The following KALRN variants were observed in gnomAD, a reference collection of about 807,000 sequenced individuals.
KALRN encodes kalirin RhoGEF kinase, also known as kalirin.
Under a neutral mutation model 353.7 loss-of-function variants are expected in KALRN, and 70 were observed. The ratio of observed to expected loss-of-function variants is 0.20; its 90% CI spans 0.16 to 0.24. The LOEUF is 0.24. KALRN is among the 10% of genes least tolerant of loss of function. KALRN has a pLI of 1.00. For synonymous variants in KALRN, 1,391 were observed against 1,434.8 expected (o/e 0.97, Z 0.69); for missense variants, 2,791 against 3,756.7 (o/e 0.74, Z 6.72).
At chr3:124,594,605 A>G (rs2076100744) in intron 34 of KALRN, among the ~76,000 whole-genome samples, 1 of 152,250 alleles carries the variant, frequency 6.6e-6, no homozygotes, top group Non-Finnish European at 1.5e-5. Flanking sequence ...TTAGTTTAAT[A>G]TAATGGTTAA....
intron 5 of KALRN, among the ~76,000 whole-genome samples, chr3:124,285,928 A>G (rs2075787824): frequency 6.6e-6 from 1 of 152,208 alleles, no homozygotes; most frequent in Non-Finnish European, 1.5e-5. Context: ...TGGACAGGAC[A>G]GACATAGAAC....
intron 1 of KALRN, among the ~76,000 whole-genome samples, chr3:124,176,562 C>T (rs779489162): frequency 7.9e-5 from 12 of 152,090 alleles, no homozygotes; most frequent in Non-Finnish European, 1.5e-4. Flanking sequence ...ACTGTCAAGC[C>T]GAAGTTGGCT....
chr3:124,524,719 A>G (rs1043093237), intron 33 of KALRN, among the ~76,000 whole-genome samples: 2 of 152,210 alleles, frequency 1.3e-5, no homozygotes, highest in Non-Finnish European at 2.9e-5. Flanking sequence ...GTATGTGCAT[A>G]TAGGTACACA....
chr3:124,378,856 C>CT (rs1011377743), intron 10 of KALRN, among the ~76,000 whole-genome samples: 336 of 151,674 alleles, frequency 2.2e-3, no homozygotes, highest in African/African-American at 8.0e-3. Flanking sequence ...TTTTCTTTCC[C>CT]TTTTTTGCCA....
At chr3:124,101,696 T>C (rs761004995) in intron 1 of KALRN, among the ~76,000 whole-genome samples, 13 of 152,172 alleles carry the variant, frequency 8.5e-5, no homozygotes, top group Non-Finnish European at 1.6e-4. Flanking sequence ...CTGCAGCCTT[T>C]TTCTGGCTCC....
intron 50 of KALRN, 135 bp downstream of exon 50, chr3:124,678,448 C>A: frequency 1.1e-6 from 1 of 883,554 alleles, no homozygotes; most frequent in Non-Finnish European, 1.7e-6. Context: ...AGTAGTTTAG[C>A]AGGATTTTGC....
At chr3:124,579,462 A>G (rs2074423984) in intron 34 of KALRN, among the ~76,000 whole-genome samples, 1 of 152,236 alleles carries the variant, frequency 6.6e-6, no homozygotes, top group Admixed American at 6.5e-5. Context: ...TATATTGCTT[A>G]TAGCTCAGGA....
rs753948334 is a variant in KALRN, at chr3:124,422,874, T to C, written c.2605T>C (p.Phe869Leu). The change falls in exon 15 of 60, where the codon TTT becomes CTT. Residue 869 changes from phenylalanine (F) to leucine (L), a missense_variant. Phe to Leu is a conservative substitution (Grantham distance 22, BLOSUM62 0). Transcript: ENST00000682506. ...LAAQVQELLE[F>L]LHEKQHELEL... is the part of the protein sequence containing the mutation. ...AGCCCAGGTGCAAGAGTTATTGGAA[T>C]TTCTCCATGAGAAGCAGCATGAATT... The C allele has an allele frequency of 6.2e-7, 1 of 1,613,978 alleles. No homozygotes were observed. Among genetic ancestry groups the C allele is most frequent in the Non-Finnish European group, 8.5e-7 (1 of 1,179,872 alleles).
At chr3:124,220,103 A>G (rs2077725713) in intron 1 of KALRN, among the ~76,000 whole-genome samples, 1 of 151,242 alleles carries the variant, frequency 6.6e-6, no homozygotes, top group Non-Finnish European at 1.5e-5. Context: ...CACCACCACA[A>G]CTGGCTAATA....
chr3:124,550,116 A>G (rs924391679), intron 33 of KALRN, among the ~76,000 whole-genome samples: 3 of 152,230 alleles, frequency 2.0e-5, no homozygotes, highest in Non-Finnish European at 4.4e-5. Flanking sequence ...CTGGATGAGC[A>G]TAGGGGCTTC....
At chr3:124,270,641 C>T (rs542354942) in intron 5 of KALRN, among the ~76,000 whole-genome samples, 2 of 152,088 alleles carry the variant, frequency 1.3e-5, no homozygotes, top group South Asian at 4.2e-4. Flanking sequence ...TGCCCAGTGG[C>T]CTGGAAGCCT....
At chr3:124,709,530 G>C (rs2062792950) in intron 57 of KALRN, among the ~76,000 whole-genome samples, 2 of 152,074 alleles carry the variant, frequency 1.3e-5, no homozygotes, top group African/African-American at 4.8e-5. Flanking sequence ...CACCCACCTT[G>C]GTCTCCCAAG....
intron 34 of KALRN, among the ~76,000 whole-genome samples, chr3:124,631,771 C>T (rs1316028433): frequency 2.6e-5 from 4 of 152,362 alleles, no homozygotes; most frequent in East Asian, 1.9e-4. Context: ...GGTTTTCACT[C>T]CAGGTAAAAG....
intron 10 of KALRN, among the ~76,000 whole-genome samples, chr3:124,361,563 A>AT (rs1338831282): frequency 1.3e-5 from 2 of 152,248 alleles, no homozygotes; most frequent in Non-Finnish European, 2.9e-5. Flanking sequence ...CTTACAGGCT[A>AT]TTAAAACCAG....
At chr3:124,159,691 T>G (rs2150005262) in intron 1 of KALRN, among the ~76,000 whole-genome samples, 1 of 151,992 alleles carries the variant, frequency 6.6e-6, no homozygotes, top group Non-Finnish European at 1.5e-5. Flanking sequence ...TACCTGAGGG[T>G]AGGAACTGTT....
Position 124,329,964 on chromosome 3 carries a change from A to G in KALRN, c.1388A>G (p.Tyr463Cys). The change falls in exon 8 of 60, where the codon TAT (tyrosine) becomes TGT (cysteine). Residue 463 changes from tyrosine to cysteine, a missense_variant. By Grantham distance (194) the Tyr-to-Cys change is radical. Coordinates refer to ENST00000682506, the MANE Select transcript of KALRN (RefSeq NM_001388419.1). ...ELAIHHHQTL[Y>C]EQVTQAYTEV... ...GCAATCCACCACCACCAGACCTTGT[A>G]TGAGCAGGTGACCCAAGCCTACACA... 1 of 1,613,790 alleles carries G rather than the reference A, an allele frequency of 6.2e-7. No homozygotes were observed. Among genetic ancestry groups the G allele is most frequent in the African/African-American group, 1.3e-5 (1 of 74,960 alleles).
intron 51 of KALRN, among the ~76,000 whole-genome samples, chr3:124,691,924 A>G (rs527295366): frequency 1.2e-4 from 18 of 152,336 alleles, no homozygotes; most frequent in African/African-American, 4.3e-4. Flanking sequence ...GGTGTGGGAA[A>G]TGCAGTAGGT....
chr3:124,455,470 A>T, intron 22 of KALRN, 111 bp downstream of exon 22: 1 of 1,099,578 alleles, frequency 9.1e-7, no homozygotes, highest in Non-Finnish European at 1.3e-6. Context: ...CTTCTGAGCT[A>T]TTGACTCCTA....
At chr3:124,229,323 C>T (rs1434157063) in intron 2 of KALRN, among the ~76,000 whole-genome samples, 1 of 152,256 alleles carries the variant, frequency 6.6e-6, no homozygotes, top group East Asian at 1.9e-4. Flanking sequence ...CAGAATCACT[C>T]TGGGTGCCTG....
Sources: allele counts gnomAD v4.1 joint callset (sites outside exome capture counted in the v4.1 genomes callset), GRCh38; gene constraint gnomAD v4.1.1; transcripts MANE v1.5; gene names NCBI Gene and HGNC (gene_info 2026-07-23, HGNC 2026-07-21).